The following SYNE1 variants were observed in gnomAD, a reference collection of about 807,000 sequenced individuals.
SYNE1 encodes spectrin repeat containing nuclear envelope protein 1, also known as nesprin-1.
A neutral mutation model predicts 1,111.0 loss-of-function variants in SYNE1; 616 were observed. The ratio of observed to expected loss-of-function variants is 0.55; its 90% CI spans 0.52 to 0.59. SYNE1 has a LOEUF of 0.59. SYNE1 is among the 20% of genes least tolerant of loss of function. The probability of loss-of-function intolerance (pLI) is 0.00; values close to 1 mark genes in which losing one functional copy is unlikely to be tolerated. For synonymous variants in SYNE1, 3,855 were observed against 3,825.8 expected, an observed-to-expected ratio of 1.01 and a Z score of -0.28; for missense variants, 10,006 against 10,417.0, an observed-to-expected ratio of 0.96 and a Z score of 1.72.
rs897755654 is a variant in SYNE1 at position 152,416,521 on chromosome 6, C to T, written c.5916G>A (p.Glu1972=). ...IQNLLGTKQS[E]ADALAVLKKA... ...TTTTCAACACTGCCAGAGCATCTGC[C>T]TCACTCTGCTTGGTTCCCAGAAGGT... The change falls in exon 41 of 146, where the codon GAG becomes GAA. Residue 1972 remains glutamate, a synonymous_variant. Transcript: ENST00000367255. The T allele has an allele frequency of 6.2e-7, 1 of 1,614,042 alleles. No homozygotes were observed. The highest frequency in any genetic ancestry group is 8.5e-7 in the Non-Finnish European group (1 of 1,180,012).
rs2082016487 is a variant in SYNE1 at position 152,228,135 on chromosome 6, T to C, written c.21196-2259A>G. ...TTCACACTTTGGTCCAAAAAACAAT[T>C]TCTCAAAAATGACAGTTGTATCAAG... On this transcript the variant is annotated intron_variant, in intron 115 of 145. Transcript: ENST00000367255. Among the ~76,000 whole-genome samples, 5 of 152,172 alleles carry C rather than the reference T, an allele frequency of 3.3e-5. No homozygotes were observed. The South Asian group carries it at 1.0e-3, about 32-fold the overall frequency.
chr6:152,332,838 T>G (rs1435734461), intron 77 of SYNE1, among the ~76,000 whole-genome samples: 1 of 152,240 alleles, frequency 6.6e-6, no homozygotes, highest in Non-Finnish European at 1.5e-5. Context: ...TCTTTTTTAC[T>G]AAATGATCAG....
chr6:152,491,726 T>C (rs2098971693), intron 11 of SYNE1, among the ~76,000 whole-genome samples: 1 of 152,136 alleles, frequency 6.6e-6, no homozygotes. Flanking sequence ...TAGTCTCTGC[T>C]CCCAGTGCGA....
Position 152,364,839 on chromosome 6 carries a change from TC to T in SYNE1, c.10145+7del. ...GCTTCCCCAGTGCTTGGCTGTAGTTTCCCTCACCTTTTACAACGAATCCCTG... is the reference window on the plus strand; with the variant it reads ...GCTTCCCCAGTGCTTGGCTGTAGTTTCCTCACCTTTTACAACGAATCCCTG... On this transcript the variant is annotated splice_region_variant and intron_variant, in intron 63 of 145. Coordinates refer to ENST00000367255, the MANE Select transcript of SYNE1 (RefSeq NM_182961.4). 6.2e-7 allele frequency: 1 copy of T among 1,614,148 alleles called. No individual in the cohort carries two copies. Among genetic ancestry groups the T allele is most frequent in the Non-Finnish European group, 8.5e-7 (1 of 1,180,026 alleles).
chr6:152,473,778 C>T (rs1421830614), intron 14 of SYNE1, among the ~76,000 whole-genome samples: 1 of 152,186 alleles, frequency 6.6e-6, no homozygotes, highest in Non-Finnish European at 1.5e-5. Flanking sequence ...CTGCAGAGCA[C>T]ACTTGGAGTT....
At chr6:152,266,375 C>A (rs2092699002) in intron 100 of SYNE1, among the ~76,000 whole-genome samples, 1 of 152,006 alleles carries the variant, frequency 6.6e-6, no homozygotes, top group Non-Finnish European at 1.5e-5. Flanking sequence ...ATTTGTTTGG[C>A]AAAAATATTC....
intron 100 of SYNE1, among the ~76,000 whole-genome samples, chr6:152,265,207 G>GAAA (rs36042696): frequency 1.4e-4 from 12 of 87,822 alleles, no homozygotes; most frequent in South Asian, 4.0e-4. Context: ...CTCTGTCTCA[G>GAAA]AAAAAAAAAA....
chr6:152,537,820 T>C (rs1474613751), intron 4 of SYNE1, among the ~76,000 whole-genome samples: 1 of 152,202 alleles, frequency 6.6e-6, no homozygotes, highest in Non-Finnish European at 1.5e-5. Context: ...GCTCCCAAGA[T>C]AGAAGAACTT....
At chr6:152,205,657 T>A (rs892369560) in intron 126 of SYNE1, among the ~76,000 whole-genome samples, 1 of 152,256 alleles carries the variant, frequency 6.6e-6, no homozygotes, top group African/African-American at 2.4e-5. Flanking sequence ...TACTGTGTGA[T>A]CAGTATGTGA....
At chr6:152,471,501 A>T in intron 16 of SYNE1, 96 bp downstream of exon 16, 2 of 1,245,924 alleles carry the variant, frequency 1.6e-6, no homozygotes, top group South Asian at 1.2e-5. Context: ...CTTTATGTTT[A>T]AATTCAAGAA....
chr6:152,373,906 C>T (rs1206692057), intron 58 of SYNE1, among the ~76,000 whole-genome samples: 1 of 152,172 alleles, frequency 6.6e-6, no homozygotes, highest in African/African-American at 2.4e-5. Flanking sequence ...AGGATCCTAG[C>T]TGCCGAAGTG....
At chr6:152,441,349 G>C in intron 31 of SYNE1, 79 bp from the exon 32 acceptor site, 1 of 1,467,320 alleles carries the variant, frequency 6.8e-7, no homozygotes, top group African/African-American at 1.4e-5. Flanking sequence ...TTGCAAAACT[G>C]TCAACTTTCA....
At chr6:152,234,320 TC>T (rs2083480478) in intron 111 of SYNE1, among the ~76,000 whole-genome samples, 6 of 151,238 alleles carry the variant, frequency 4.0e-5, no homozygotes, top group African/African-American at 1.5e-4. Context: ...TTAGATGGAG[TC>T]GCTCGCTCTG....
chr6:152,514,639 A>G (rs149329544), intron 6 of SYNE1, among the ~76,000 whole-genome samples: 2 of 150,248 alleles, frequency 1.3e-5, no homozygotes, highest in African/African-American at 4.9e-5. Context: ...AAAAAATAAT[A>G]AAAAAAAACA....
chr6:152,532,758 A>G (rs1322033838), intron 4 of SYNE1, among the ~76,000 whole-genome samples: 1 of 152,200 alleles, frequency 6.6e-6, no homozygotes. Flanking sequence ...TCTGGTTTAT[A>G]TAAGTTTCAG....
At position 152,318,243 on chromosome 6, in the gene SYNE1, A is replaced by ATCTT; in HGVS notation, c.16409_16410insAAGA (p.Asp5470GlufsTer5). ...ATTCCATTAACTTTGAATTACAGCC[A>ATCTT]TCTAATTCCTCTCCCAGCACCTTGA... On this transcript the variant is annotated frameshift_variant, in exon 86 of 146. Coordinates refer to ENST00000367255, the MANE Select transcript of SYNE1 (RefSeq NM_182961.4). LOFTEE classifies it high-confidence loss of function. 1 of 1,614,206 alleles carries ATCTT rather than the reference A, an allele frequency of 6.2e-7. No homozygotes were observed. Among genetic ancestry groups the ATCTT allele is most frequent in the Non-Finnish European group, 8.5e-7 (1 of 1,180,034 alleles).
chr6:152,589,788 T>G (rs1401795646), intron 3 of SYNE1, among the ~76,000 whole-genome samples: 2 of 152,142 alleles, frequency 1.3e-5, no homozygotes, highest in Non-Finnish European at 2.9e-5. Flanking sequence ...AACTACTACT[T>G]TAGCAAACCT....
At chr6:152,535,099 T>A (rs2154362509) in intron 4 of SYNE1, among the ~76,000 whole-genome samples, 1 of 152,328 alleles carries the variant, frequency 6.6e-6, no homozygotes, top group South Asian at 2.1e-4. Context: ...ATGAGGTCAT[T>A]AGCATGGGTC....
At chr6:152,279,147 CTTTTT>C (rs59520598) in intron 97 of SYNE1, among the ~76,000 whole-genome samples, 14 of 112,682 alleles carry the variant, frequency 1.2e-4, no homozygotes, top group Admixed American at 7.7e-4. Context: ...CTTTTCTTTT[CTTTTT>C]TTTTTTTTTT....
Sources: allele counts gnomAD v4.1 joint callset (sites outside exome capture counted in the v4.1 genomes callset), GRCh38; gene constraint gnomAD v4.1.1; transcripts MANE v1.5; gene names NCBI Gene and HGNC (gene_info 2026-07-23, HGNC 2026-07-21).